Variants in IL1RAP observed in about 807,000 individuals in gnomAD.
IL1RAP encodes the protein interleukin 1 receptor accessory protein, also known as interleukin-1 receptor accessory protein.
In IL1RAP, 35 loss-of-function variants were observed where a neutral mutation model predicts 60.7. The ratio of observed to expected loss-of-function variants is 0.58; its 90% CI spans 0.44 to 0.76. IL1RAP has a LOEUF of 0.76. Among genes scored for constraint, IL1RAP ranks in the 30% least tolerant of loss-of-function variants. The pLI, the probability that IL1RAP is intolerant of heterozygous loss-of-function variation, is 0.00. For missense variants in IL1RAP, 572 were observed against 693.9 expected (o/e 0.82, Z 1.97); for synonymous variants, 268 against 250.9 (o/e 1.07, Z -0.64).
At chr3:190,568,890 G>A (rs1050638701) in intron 3 of IL1RAP, among the ~76,000 whole-genome samples, 1 of 152,206 alleles carries the variant, frequency 6.6e-6, no homozygotes, top group African/African-American at 2.4e-5. Context: ...TCCAGGGTTA[G>A]TAAGAGGAAT....
intron 3 of IL1RAP, among the ~76,000 whole-genome samples, chr3:190,569,382 T>C (rs1306500530): frequency 6.6e-6 from 1 of 152,240 alleles, no homozygotes; most frequent in Non-Finnish European, 1.5e-5. Context: ...TGCTCAGATA[T>C]ACTTGTGACA....
intron 3 of IL1RAP, among the ~76,000 whole-genome samples, chr3:190,579,329 C>T (rs931753108): frequency 6.6e-6 from 1 of 152,134 alleles, no homozygotes; most frequent in African/African-American, 2.4e-5. Flanking sequence ...CTAACCATTA[C>T]AGGGATGAAT....
chr3:190,638,764 G>A lies in IL1RAP; in HGVS notation c.1052-5484G>A, dbSNP rs189776173. ...TCATGAATGGTGTGTAGTAGAAATT[G>A]AAGTTCAGTTTTCCTTTCATACCGA... On this transcript the variant is annotated intron_variant, in intron 9 of 11. Coordinates refer to ENST00000447382, the MANE Select transcript of IL1RAP (RefSeq NM_002182.4). 1.6e-4 allele frequency among the ~76,000 whole-genome samples: 25 copies of A among 152,066 alleles called. No homozygotes were observed. The East Asian group carries it at 4.4e-3, about 27-fold the overall frequency.
downstream of IL1RAP, among the ~76,000 whole-genome samples, chr3:190,653,725 T>A (rs1331402301): frequency 6.6e-6 from 1 of 152,204 alleles, no homozygotes; most frequent in Non-Finnish European, 1.5e-5. Context: ...CTCATTATTA[T>A]ATGGCCATAC....
At chr3:190,609,209 C>T in intron 5 of IL1RAP, 28 bp downstream of exon 5, 1 of 1,472,626 alleles carries the variant, frequency 6.8e-7, no homozygotes, top group Non-Finnish European at 9.4e-7. Flanking sequence ...ACATTTTATT[C>T]TCTCTAATGG....
At chr3:190,553,889 G>A (rs7640725) in intron 1 of IL1RAP, among the ~76,000 whole-genome samples, 59,084 of 150,406 alleles carry the variant, frequency 0.39, 13,185 homozygotes, top group South Asian at 0.5. Context: ...GTGAAACCCC[G>A]CCTCTACTAA....
chr3:190,562,462 T>C (rs1725974967), intron 2 of IL1RAP, among the ~76,000 whole-genome samples: 1 of 152,080 alleles, frequency 6.6e-6, no homozygotes, highest in Non-Finnish European at 1.5e-5. Context: ...CTTAAGTGTC[T>C]CTAGATGTGT....
At chr3:190,622,340 A>G (rs1230664364) in intron 6 of IL1RAP, among the ~76,000 whole-genome samples, 1 of 152,168 alleles carries the variant, frequency 6.6e-6, no homozygotes, top group East Asian at 1.9e-4. Context: ...TGGCTCTTCT[A>G]TACAAAGTAA....
intron 3 of IL1RAP, among the ~76,000 whole-genome samples, chr3:190,594,257 C>A (rs2108726428): frequency 6.6e-6 from 1 of 152,214 alleles, no homozygotes; most frequent in East Asian, 1.9e-4. Flanking sequence ...GGGTTGAGGA[C>A]CAGACTCCAA....
chr3:190,597,544 AAG>A (rs1729488185), intron 3 of IL1RAP, among the ~76,000 whole-genome samples: 2 of 152,142 alleles, frequency 1.3e-5, no homozygotes, highest in Non-Finnish European at 2.9e-5. Context: ...ATTTCAGGGA[AAG>A]AGAGCATCAG....
At chr3:190,645,185 A>G (rs1429411134) in intron 10 of IL1RAP, among the ~76,000 whole-genome samples, 1 of 152,250 alleles carries the variant, frequency 6.6e-6, no homozygotes, top group Non-Finnish European at 1.5e-5. Context: ...CTTATGGAAG[A>G]AACACGGAAT....
At chr3:190,556,988 T>A (rs1725485037) in intron 2 of IL1RAP, among the ~76,000 whole-genome samples, 6 of 152,218 alleles carry the variant, frequency 3.9e-5, no homozygotes, top group African/African-American at 1.4e-4. Context: ...TCAGTGTCCC[T>A]AAGTAGAGAA....
chr3:190,584,235 T>C (rs1560189639), intron 3 of IL1RAP, among the ~76,000 whole-genome samples: 1 of 152,256 alleles, frequency 6.6e-6, no homozygotes, highest in Non-Finnish European at 1.5e-5. Context: ...TAACATTCCA[T>C]TGTATGGATA....
intron 9 of IL1RAP, among the ~76,000 whole-genome samples, chr3:190,640,601 G>T (rs923536111): frequency 2.0e-5 from 3 of 152,174 alleles, no homozygotes; most frequent in Non-Finnish European, 4.4e-5. Context: ...ACACTTGGAG[G>T]TGCAAGCAGC....
intron 3 of IL1RAP, among the ~76,000 whole-genome samples, chr3:190,602,599 A>ATT (rs1206630949): frequency 6.6e-6 from 1 of 152,150 alleles, no homozygotes; most frequent in Non-Finnish European, 1.5e-5. Flanking sequence ...GAAACTATGG[A>ATT]ATTTATAATG....
At chr3:190,573,769 C>A (rs1428598847) in intron 3 of IL1RAP, among the ~76,000 whole-genome samples, 1 of 152,056 alleles carries the variant, frequency 6.6e-6, no homozygotes, top group Non-Finnish European at 1.5e-5. Context: ...CTAAACATGG[C>A]TTTAAATCTA....
At chr3:190,524,807 T>C (rs774634829) in intron 1 of IL1RAP, among the ~76,000 whole-genome samples, 8 of 152,138 alleles carry the variant, frequency 5.3e-5, no homozygotes, top group Non-Finnish European at 1.2e-4. Context: ...TAGAACCGGA[T>C]AAGACAGTAA....
intron 3 of IL1RAP, among the ~76,000 whole-genome samples, chr3:190,591,641 C>T (rs997428266): frequency 6.6e-6 from 1 of 152,146 alleles, no homozygotes; most frequent in African/African-American, 2.4e-5. Context: ...AACACAGAGA[C>T]TGTATATTTT....
At chr3:190,654,894 ACTTTC>A (rs1313968524), downstream of IL1RAP, among the ~76,000 whole-genome samples, 1 of 152,168 alleles carries the variant, frequency 6.6e-6, no homozygotes, top group African/African-American at 2.4e-5. Context: ...TATTTGAAGA[ACTTTC>A]CCTTGGGATC....
Sources: allele counts gnomAD v4.1 joint callset (sites outside exome capture counted in the v4.1 genomes callset), GRCh38; gene constraint gnomAD v4.1.1; transcripts MANE v1.5; gene names NCBI Gene and HGNC (gene_info 2026-07-23, HGNC 2026-07-21).